Variants in FOXO3 observed in about 807,000 individuals in gnomAD.
FOXO3 encodes forkhead box protein O3.
Under a neutral mutation model 41.9 loss-of-function variants are expected in FOXO3, and 4 were observed. That is an observed-to-expected ratio of 0.10 (90% CI 0.05 to 0.22). The LOEUF (loss-of-function observed/expected upper bound fraction) is 0.22. Ranked by LOEUF, FOXO3 falls within the 10% of genes least tolerant of loss-of-function variation. FOXO3 has a pLI of 1.00. For missense variants in FOXO3, 534 were observed against 906.8 expected (o/e 0.59, Z 5.28); for synonymous variants, 318 against 389.3 (o/e 0.82, Z 2.16).
At chr6:108,596,486 T>A (rs945009583) in intron 1 of FOXO3, among the ~76,000 whole-genome samples, 1 of 152,038 alleles carries the variant, frequency 6.6e-6, no homozygotes, top group African/African-American at 2.4e-5. Flanking sequence ...TATGGGTTGT[T>A]GAATGAACAT....
chr6:108,602,422 A>C (rs1167753156), intron 1 of FOXO3, among the ~76,000 whole-genome samples: 3 of 152,084 alleles, frequency 2.0e-5, no homozygotes, highest in Non-Finnish European at 1.5e-5. Context: ...TTCCAATCCC[A>C]CTTGGCCTAA....
intron 1 of FOXO3, among the ~76,000 whole-genome samples, chr6:108,662,272 G>GT (rs1481940164): frequency 1.6e-4 from 24 of 152,154 alleles, no homozygotes; most frequent in African/African-American, 5.6e-4. Flanking sequence ...TTCTCATCAT[G>GT]TCATATCAAG....
rs1770974153 is a variant in FOXO3, at chr6:108,684,084, A to G, written c.*4292A>G. On this transcript the variant is annotated 3_prime_UTR_variant, in exon 3 of 3. Transcript: ENST00000406360. ...TGTTTGTATTTTTCTTTGATGAATG[A>G]TTGGTCATGAGGCCTCTTGCCACAC... The G allele has an allele frequency of 6.6e-6, 1 of 152,582 alleles. No individual in the cohort carries two copies. Among genetic ancestry groups the G allele is most frequent in the African/African-American group, 2.4e-5 (1 of 41,428 alleles). 9.5% of individuals were successfully genotyped at this position (152,582 alleles called of 1,614,324 possible).
At chr6:108,648,415 C>G (rs1778452554) in intron 1 of FOXO3, among the ~76,000 whole-genome samples, 2 of 152,194 alleles carry the variant, frequency 1.3e-5, no homozygotes, top group Non-Finnish European at 2.9e-5. Flanking sequence ...AGATGAAACA[C>G]TGAAAATGAC....
intron 1 of FOXO3, among the ~76,000 whole-genome samples, chr6:108,620,971 C>A (rs780840074): frequency 7.9e-5 from 12 of 152,024 alleles, no homozygotes; most frequent in Non-Finnish European, 1.6e-4. Flanking sequence ...TATTAAAATG[C>A]CTATTTAAGT....
intron 1 of FOXO3, among the ~76,000 whole-genome samples, chr6:108,606,189 C>T (rs1777195082): frequency 6.6e-6 from 1 of 152,184 alleles, no homozygotes; most frequent in South Asian, 2.1e-4. Context: ...TCATCAGAAC[C>T]TCTTCCCTGT....
At chr6:108,562,173 T>C (rs1775819938) in intron 1 of FOXO3, among the ~76,000 whole-genome samples, 1 of 151,564 alleles carries the variant, frequency 6.6e-6, no homozygotes, top group Non-Finnish European at 1.5e-5. Flanking sequence ...TGGAGTAGAG[T>C]TTACCGTAGT....
intron 1 of FOXO3, among the ~76,000 whole-genome samples, chr6:108,617,005 T>C (rs1032355252): frequency 6.6e-6 from 1 of 152,268 alleles, no homozygotes; most frequent in Non-Finnish European, 1.5e-5. Context: ...TATATGGATA[T>C]ACTACATTTT....
rs200404037 is a variant in FOXO3, at chr6:108,606,589, TTTC to T, written c.621+44768_621+44770del. ...ATCTACAGGAGACTGCATGAAAAAC[TTTC>T]TTCTTCTCTTCCCAGGAAGCAAGCA... On this transcript the variant is annotated intron_variant, in intron 1 of 2. Transcript: ENST00000406360. Among the ~76,000 whole-genome samples the T allele has an allele frequency of 6.8e-3, 1,034 of 152,310 alleles. 18 individuals carry two copies. Among genetic ancestry groups the T allele is most frequent in the South Asian group, 0.055 (265 of 4,828 alleles).
chr6:108,559,944 C>G (rs562096427), upstream of FOXO3: 1 of 152,124 alleles, frequency 6.6e-6, no homozygotes, highest in South Asian at 2.1e-4. Flanking sequence ...TGCGCGCCCC[C>G]TCCTCGCCGT....
Position 108,621,458 on chromosome 6 carries a change from A to G in FOXO3, c.622-41997A>G, listed in dbSNP as rs540409388. Among the ~76,000 whole-genome samples, 20 of 152,370 alleles carry G rather than the reference A, an allele frequency of 1.3e-4. 1 individual carries two copies. The South Asian group carries it at 1.9e-3, about 14-fold the overall frequency. On this transcript the variant is annotated intron_variant, in intron 1 of 2. Coordinates refer to ENST00000406360, the MANE Select transcript of FOXO3 (RefSeq NM_001455.4). Reference sequence around the variant, plus strand: ...ATTCACAAGGCAACGTCTGGAAGAAAGAATCAAGTATGTGTGTAGTGCATG... The same window carrying G: ...ATTCACAAGGCAACGTCTGGAAGAAGGAATCAAGTATGTGTGTAGTGCATG...
intron 1 of FOXO3, among the ~76,000 whole-genome samples, chr6:108,609,606 A>G (rs546010927): frequency 1.3e-5 from 2 of 152,344 alleles, no homozygotes; most frequent in South Asian, 4.1e-4. Flanking sequence ...AGCATCAGAT[A>G]GGCCTGTGAG....
At chr6:108,640,953 G>A (rs769483759) in intron 1 of FOXO3, among the ~76,000 whole-genome samples, 2 of 152,002 alleles carry the variant, frequency 1.3e-5, no homozygotes, top group Non-Finnish European at 2.9e-5. Flanking sequence ...CCACTCTGTC[G>A]CCCAGGCTAG....
intron 1 of FOXO3, among the ~76,000 whole-genome samples, chr6:108,662,836 A>G (rs377689876): frequency 5.3e-5 from 8 of 152,214 alleles, no homozygotes; most frequent in Admixed American, 2.0e-4. Flanking sequence ...CAGAAAGGCC[A>G]GTAATTAGGG....
At chr6:108,645,234 T>C (rs1388723693) in intron 1 of FOXO3, among the ~76,000 whole-genome samples, 10 of 152,246 alleles carry the variant, frequency 6.6e-5, no homozygotes, top group Admixed American at 6.5e-4. Flanking sequence ...TGGTATGTTG[T>C]GGATAATCTG....
chr6:108,677,157 A>G (rs1770634058), intron 2 of FOXO3, among the ~76,000 whole-genome samples: 1 of 152,240 alleles, frequency 6.6e-6, no homozygotes, highest in African/African-American at 2.4e-5. Flanking sequence ...GGGGGACCTC[A>G]GCGGAAGCTG....
At chr6:108,567,919 A>G (rs1289867868) in intron 1 of FOXO3, among the ~76,000 whole-genome samples, 1 of 152,122 alleles carries the variant, frequency 6.6e-6, no homozygotes, top group Non-Finnish European at 1.5e-5. Flanking sequence ...ATCGTGGCGC[A>G]TGCCTGTAAT....
chr6:108,655,400 A>C (rs181931097), intron 1 of FOXO3, among the ~76,000 whole-genome samples: 1 of 152,352 alleles, frequency 6.6e-6, no homozygotes, highest in Admixed American at 6.5e-5. Flanking sequence ...AAAGGAAGTT[A>C]CTGTGCTATG....
intron 1 of FOXO3, among the ~76,000 whole-genome samples, chr6:108,573,268 CAGAG>C (rs894886903): frequency 1.3e-5 from 2 of 151,314 alleles, no homozygotes; most frequent in East Asian, 1.9e-4. Flanking sequence ...GCCTGGGTGA[CAGAG>C]AGAGACTCTG....
Sources: allele counts gnomAD v4.1 joint callset (sites outside exome capture counted in the v4.1 genomes callset), GRCh38; gene constraint gnomAD v4.1.1; transcripts MANE v1.5; gene names NCBI Gene and HGNC (gene_info 2026-07-23, HGNC 2026-07-21).